The following AR variants were observed in gnomAD, a reference collection of about 807,000 sequenced individuals.
AR encodes androgen receptor, also known as dihydrotestosterone receptor.
AR carries 8 observed loss-of-function variants against 53.9 expected under a neutral mutation model. That is an observed-to-expected ratio of 0.15 (90% CI 0.09 to 0.27). The LOEUF (loss-of-function observed/expected upper bound fraction) is 0.27. AR is among the 10% of genes least tolerant of loss of function. The probability of loss-of-function intolerance (pLI) is 1.00; values close to 1 mark genes in which losing one functional copy is unlikely to be tolerated. For synonymous variants in AR, 359 were observed against 316.4 expected, an observed-to-expected ratio of 1.13 and a Z score of -1.43; for missense variants, 639 against 742.5, an observed-to-expected ratio of 0.86 and a Z score of 1.62.
In AR at chrX:67,550,456, T is replaced by C. The variant is rs141851358; in HGVS notation, c.1616+3694T>C. 9.8e-4 allele frequency among the ~76,000 whole-genome samples: 109 copies of C among 110,687 alleles called. 1 individual carries two copies. In the East Asian group the frequency reaches 0.03, roughly 31 times the overall value. ...TTATGCGTATATGCACTGCGGCTTG[T>C]ACACGTACAAGCTACTTGGTGGGAT... is the stretch of plus-strand genomic sequence containing the variant. On this transcript the variant is annotated intron_variant, in intron 1 of 7. Coordinates refer to ENST00000374690, the MANE Select transcript of AR (RefSeq NM_000044.6).
intron 1 of AR, among the ~76,000 whole-genome samples, chrX:67,607,307 C>A (rs1347414380): frequency 8.9e-6 from 1 of 111,750 alleles, no homozygotes; most frequent in Non-Finnish European, 1.9e-5. Flanking sequence ...AGATTACGGG[C>A]ATGAGCCACC....
chrX:67,597,398 G>A (rs1923134157), intron 1 of AR, among the ~76,000 whole-genome samples: 1 of 111,579 alleles, frequency 9.0e-6, no homozygotes, highest in Non-Finnish European at 1.9e-5. Flanking sequence ...GTCCTGTTTG[G>A]TACCTCCATT....
intron 1 of AR, among the ~76,000 whole-genome samples, chrX:67,589,136 G>T (rs1319030062): frequency 1.8e-5 from 2 of 111,748 alleles, no homozygotes; most frequent in African/African-American, 6.5e-5. Context: ...GGTGGCGGGC[G>T]CCTGTAGTCC....
At chrX:67,708,005 G>C (rs950887618) in intron 3 of AR, among the ~76,000 whole-genome samples, 1 of 112,306 alleles carries the variant, frequency 8.9e-6, no homozygotes, top group Non-Finnish European at 1.9e-5. Context: ...TTTCTGCCAA[G>C]AAATCCACTG....
intron 1 of AR, among the ~76,000 whole-genome samples, chrX:67,623,471 C>T (rs1924472372): frequency 9.0e-6 from 1 of 111,489 alleles, no homozygotes; most frequent in Non-Finnish European, 1.9e-5. Flanking sequence ...TGTTCCAAAA[C>T]TTACAGGATA....
chrX:67,727,734 A>T lies in AR; in HGVS notation c.*3893A>T, dbSNP rs2076163461. 1 of 172,760 alleles carries T rather than the reference A, an allele frequency of 5.8e-6. No individual in the cohort carries two copies. The highest frequency in any genetic ancestry group is 1.1e-5 in the Non-Finnish European group (1 of 89,800). The allele number at this position is 172,760 out of a possible 1,213,427, so 14.2% of individuals were successfully genotyped here. Reference sequence around the variant, plus strand: ...AGCATGGCCCCTGCATAGCCCTGGAAAAATAAGAGGCTGACTGTCTACGAA... The same window carrying T: ...AGCATGGCCCCTGCATAGCCCTGGATAAATAAGAGGCTGACTGTCTACGAA... On this transcript the variant is annotated 3_prime_UTR_variant, in exon 8 of 8. Transcript: ENST00000374690.
At chrX:67,548,115 T>C (rs182160424) in intron 1 of AR, among the ~76,000 whole-genome samples, 1 of 112,053 alleles carries the variant, frequency 8.9e-6, no homozygotes, top group East Asian at 2.8e-4. Flanking sequence ...CCGAAATTTC[T>C]TTGTTAGCCT....
intron 3 of AR, chrX:67,695,535 A>G: frequency 1.3e-6 from 1 of 753,750 alleles, no homozygotes; most frequent in Non-Finnish European, 1.6e-6. Context: ...CCAGACTCAA[A>G]TATTGTATTG....
At chrX:67,595,459 T>A (rs1040032024) in intron 1 of AR, among the ~76,000 whole-genome samples, 3 of 111,066 alleles carry the variant, frequency 2.7e-5, no homozygotes, top group Non-Finnish European at 5.7e-5. Flanking sequence ...TTTAAAGCTA[T>A]CTTTACTTCA....
chrX:67,597,712 G>T (rs767345144), intron 1 of AR, among the ~76,000 whole-genome samples: 3 of 111,811 alleles, frequency 2.7e-5, no homozygotes, highest in Non-Finnish European at 5.6e-5. Flanking sequence ...GGGAGTGGGT[G>T]CCCTACCTTT....
chrX:67,705,934 A>T (rs1660291463), intron 3 of AR, among the ~76,000 whole-genome samples: 1 of 111,854 alleles, frequency 8.9e-6, no homozygotes, highest in Admixed American at 9.5e-5. Flanking sequence ...TTCTGTTTGT[A>T]TGCTCAATTA....
At chrX:67,649,661 G>A (rs558557411) in intron 2 of AR, among the ~76,000 whole-genome samples, 4 of 112,047 alleles carry the variant, frequency 3.6e-5, no homozygotes, top group African/African-American at 6.5e-5. Flanking sequence ...TTTGTTGGCC[G>A]CATAAATGTC....
rs1925886715 is a variant in AR at position 67,643,354 on chromosome X, A to G, written c.1715A>G (p.Tyr572Cys). Reference sequence around the variant, plus strand: ...GGAGATGAAGCTTCTGGGTGTCACTATGGAGCTCTCACATGTGGAAGCTGC... The same window carrying G: ...GGAGATGAAGCTTCTGGGTGTCACTGTGGAGCTCTCACATGTGGAAGCTGC... ...ICGDEASGCH[Y>C]GALTCGSCKV... Residue 572 changes from tyrosine to cysteine, a missense_variant, in exon 2 of 8, where the codon TAT becomes TGT. Tyr to Cys is a radical substitution (Grantham distance 194, BLOSUM62 -2). Transcript: ENST00000374690. 8.3e-7 allele frequency: 1 copy of G among 1,211,274 alleles called. No individual in the cohort carries two copies. The highest frequency in any genetic ancestry group is 1.7e-5 in the African/African-American group (1 of 57,792).
intron 1 of AR, among the ~76,000 whole-genome samples, chrX:67,563,539 C>G (rs980516503): frequency 9.0e-6 from 1 of 111,641 alleles, no homozygotes; most frequent in East Asian, 2.8e-4. Flanking sequence ...CTTGGGAAAA[C>G]GCTAGACTCT....
chrX:67,590,411 GACTTA>G (rs1046734510), intron 1 of AR, among the ~76,000 whole-genome samples: 1 of 111,753 alleles, frequency 8.9e-6, no homozygotes, highest in Admixed American at 9.5e-5. Context: ...TCAGTCATGT[GACTTA>G]ACCTCTTTAA....
At chrX:67,665,342 G>T (rs1927209061) in intron 2 of AR, among the ~76,000 whole-genome samples, 1 of 112,428 alleles carries the variant, frequency 8.9e-6, no homozygotes, top group Non-Finnish European at 1.9e-5. Context: ...CATTCCTTGG[G>T]TTCTTAGAAA....
At chrX:67,587,929 G>A (rs1417226602) in intron 1 of AR, among the ~76,000 whole-genome samples, 1 of 109,128 alleles carries the variant, frequency 9.2e-6, no homozygotes, top group Non-Finnish European at 1.9e-5. Context: ...GTTATTCACA[G>A]GCATGCATTC....
intron 3 of AR, among the ~76,000 whole-genome samples, chrX:67,707,741 T>C (rs1465402977): frequency 8.9e-6 from 1 of 112,204 alleles, no homozygotes; most frequent in Non-Finnish European, 1.9e-5. Flanking sequence ...CTAGCCTCGA[T>C]GGTCTTTACA....
intron 1 of AR, among the ~76,000 whole-genome samples, chrX:67,562,592 A>AT (rs895215740): frequency 2.7e-5 from 3 of 111,397 alleles, no homozygotes; most frequent in African/African-American, 9.8e-5. Flanking sequence ...CGCTTTATTC[A>AT]TTTAAGTTAC....
Sources: allele counts gnomAD v4.1 joint callset (sites outside exome capture counted in the v4.1 genomes callset), GRCh38; gene constraint gnomAD v4.1.1; transcripts MANE v1.5; gene names NCBI Gene and HGNC (gene_info 2026-07-23, HGNC 2026-07-21).